SCNN1A: variants seen among roughly 807,000 people sequenced by gnomAD.
The protein encoded by SCNN1A is sodium channel epithelial 1 subunit alpha, also known as epithelial sodium channel subunit alpha.
Under a neutral mutation model 68.6 loss-of-function variants are expected in SCNN1A, and 65 were observed. The ratio of observed to expected loss-of-function variants is 0.95; its 90% CI spans 0.78 to 1.16. The LOEUF (loss-of-function observed/expected upper bound fraction) is 1.16, where lower values mean the gene tolerates loss of function less well. Ranked by LOEUF, SCNN1A falls within the 50% of genes most tolerant of loss-of-function variation. The probability of loss-of-function intolerance (pLI) is 0.00; values close to 1 mark genes in which losing one functional copy is unlikely to be tolerated. For synonymous variants in SCNN1A, 357 were observed against 353.3 expected, an observed-to-expected ratio of 1.01 and a Z score of -0.12; for missense variants, 880 against 865.9, an observed-to-expected ratio of 1.02 and a Z score of -0.20.
rs1259806319 is a variant in SCNN1A, at chr12:6,354,760, T to C, written c.1232A>G (p.Tyr411Cys). 2 of 1,613,476 alleles carry C rather than the reference T, an allele frequency of 1.2e-6. No homozygotes were observed. The highest frequency in any genetic ancestry group is 1.7e-6 in the Non-Finnish European group (2 of 1,179,688). The change falls in exon 7 of 13, where the codon TAC becomes TGC. Residue 411 changes from tyrosine (Y) to cysteine (C), a missense_variant. By Grantham distance (194) the Tyr-to-Cys change is radical (BLOSUM62 -2). This residue lies in a region of SCNN1A where 758 missense variants were observed against 721.8 expected (regional missense o/e 1.05). Transcript: ENST00000228916. ...VPVENLYPSK[Y>C]TQQVCIHSCF... The stretch of plus-strand genomic sequence containing the variant: ...CAGGTTGGGCCTCACCTGCTGTGTG[T>C]ACTTTGAAGGGTAAAGGTTCTCAAC...
Position 6,354,471 on chromosome 12 carries a change from C to G in SCNN1A, c.1327G>C (p.Glu443Gln). The change falls in exon 8 of 13, where the codon GAG (glutamate) becomes CAG (glutamine). Residue 443 changes from glutamate to glutamine, a missense_variant. Transcript: ENST00000228916. ...CTGTGCTTTCTGTAGTCACAGTACT[C>G]CACGTTCTGGGGCCGCGGATAGAAG... ...YIFYPRPQNV[E>Q]YCDYRKHSSW... 1 of 1,613,324 alleles carries G rather than the reference C, an allele frequency of 6.2e-7. No individual in the cohort carries two copies. The highest frequency in any genetic ancestry group is 8.5e-7 in the Non-Finnish European group (1 of 1,179,928).
In SCNN1A at chr12:6,348,130, G is replaced by A; in HGVS notation, c.1753C>T (p.Leu585Phe). The A allele has an allele frequency of 6.2e-7, 1 of 1,614,172 alleles. No homozygotes were observed. The highest frequency in any genetic ancestry group is 8.5e-7 in the Non-Finnish European group (1 of 1,180,036). Reference protein sequence around the residue: ...DLLVIMFLMLLRRFRSRYWSP... With the variant: ...DLLVIMFLMLFRRFRSRYWSP... ...CAGTATCGGCTTCGGAACCTTCGGA[G>A]CAGCATGAGGAACATGATGACCAGC... Residue 585 changes from leucine (L) to phenylalanine (F), a missense_variant, in exon 13 of 13, where the codon CTC becomes TTC. Leu to Phe is a conservative substitution (Grantham distance 22). Coordinates refer to ENST00000228916, the MANE Select transcript of SCNN1A (RefSeq NM_001038.6).
intron 1 of SCNN1A, chr12:6,375,225 C>T: frequency 6.9e-7 from 1 of 1,441,036 alleles, no homozygotes; most frequent in Middle Eastern, 2.6e-4. Flanking sequence ...CCTTCTGTTT[C>T]TCTTTGGGTC....
chr12:6,369,291 T>TGCTC (rs1948736769), intron 2 of SCNN1A, among the ~76,000 whole-genome samples: 1 of 147,486 alleles, frequency 6.8e-6, no homozygotes, highest in African/African-American at 2.5e-5. Context: ...CCTGCCACCC[T>TGCTC]ACTCACCTCC....
chr12:6,367,948 G>C (rs1200266173), intron 2 of SCNN1A, among the ~76,000 whole-genome samples: 7 of 152,114 alleles, frequency 4.6e-5, no homozygotes, highest in Non-Finnish European at 1.0e-4. Flanking sequence ...TGGGCCTTAG[G>C]CATCAGCTCT....
rs62621787 is a variant in SCNN1A, at chr12:6,361,752, G to GA, written c.875+298dup. The stretch of plus-strand genomic sequence containing the variant: ...GAGCAAAACTCCATCTCAAAAAAAA[G>GA]AAAAACAAAAAAGACCAAGATCCAT... On this transcript the variant is annotated intron_variant, in intron 4 of 12. Coordinates refer to ENST00000228916, the MANE Select transcript of SCNN1A (RefSeq NM_001038.6). Among the ~76,000 whole-genome samples, 302 of 150,698 alleles carry GA rather than the reference G, an allele frequency of 2.0e-3. 1 individual carries two copies. The Middle Eastern group carries it at 0.021, about 10-fold the overall frequency.
At chr12:6,375,140 C>T in intron 1 of SCNN1A, 1 of 1,472,542 alleles carries the variant, frequency 6.8e-7, no homozygotes, top group Non-Finnish European at 9.0e-7. Flanking sequence ...CCCTTTCTGT[C>T]TCTGCCCCCT....
intron 4 of SCNN1A, among the ~76,000 whole-genome samples, chr12:6,360,789 C>CG (rs914367164): frequency 1.3e-5 from 2 of 152,176 alleles, no homozygotes; most frequent in Non-Finnish European, 2.9e-5. Flanking sequence ...GGACCCCCCC[C>CG]TCGCCTCAGC....
chr12:6,366,011 C>T (rs1196200948), intron 2 of SCNN1A, among the ~76,000 whole-genome samples: 6 of 152,110 alleles, frequency 3.9e-5, no homozygotes, highest in East Asian at 1.9e-4. Flanking sequence ...CGTGCCACCA[C>T]GCCCGGCTAA....
In SCNN1A at chr12:6,355,816, A is replaced by T; in HGVS notation, c.940T>A (p.Ser314Thr). Residue 314 changes from serine to threonine, a missense_variant, in exon 5 of 13, where the codon TCC becomes ACC. By Grantham distance (58) the Ser-to-Thr change is moderately conservative. Transcript: ENST00000228916. The part of the protein sequence containing the change: ...NCYTFNDKNN[S>T]NLWMSSMPGI... ...GGCATGGAAGACATCCAGAGGTTGGAGTTGTTCTTGTCATTGAAAGTATAG... is the reference window on the plus strand; with the variant it reads ...GGCATGGAAGACATCCAGAGGTTGGTGTTGTTCTTGTCATTGAAAGTATAG... 6.2e-7 allele frequency: 1 copy of T among 1,613,618 alleles called. No individual in the cohort carries two copies. Among genetic ancestry groups the T allele is most frequent in the Non-Finnish European group, 8.5e-7 (1 of 1,179,558 alleles).
chr12:6,376,174 C>T, upstream of SCNN1A: 1 of 985,832 alleles, frequency 1.0e-6, no homozygotes, highest in South Asian at 4.7e-5. Context: ...CCTCCCCGCT[C>T]ACTAAGTGGG....
chr12:6,369,945 A>G (rs2136902152), intron 2 of SCNN1A, among the ~76,000 whole-genome samples: 1 of 152,240 alleles, frequency 6.6e-6, no homozygotes, highest in East Asian at 1.9e-4. Flanking sequence ...AGAATTGACC[A>G]CTAAACAGAA....
intron 10 of SCNN1A, 47 bp downstream of exon 10, chr12:6,349,117 T>C (rs376130510): frequency 1.2e-6 from 2 of 1,606,564 alleles, no homozygotes; most frequent in Non-Finnish European, 1.7e-6. Flanking sequence ...GGCCACAGCA[T>C]TACATGGGCA....
chr12:6,363,414 GGCGGGCCCCTCGGCGCT>G lies in SCNN1A; in HGVS notation c.684+12_684+28del, dbSNP rs1565482561. The stretch of plus-strand genomic sequence containing the variant: ...GGGGCCAGGGGCCGGCGAGGGGCGG[GGCGGGCCCCTCGGCGCT>G]GCGGGCCTCACCAGCTGGAAGCCGA... On this transcript the variant is annotated intron_variant, in intron 3 of 12. Coordinates refer to ENST00000228916, the MANE Select transcript of SCNN1A (RefSeq NM_001038.6). 2 of 1,503,186 alleles carry G rather than the reference GGCGGGCCCCTCGGCGCT, an allele frequency of 1.3e-6. No homozygotes were observed. The highest frequency in any genetic ancestry group is 1.8e-6 in the Non-Finnish European group (2 of 1,125,602). 93.1% of individuals were successfully genotyped at this position (1,503,186 alleles called of 1,614,324 possible).
At chr12:6,357,041 G>T (rs561659692) in intron 4 of SCNN1A, among the ~76,000 whole-genome samples, 1 of 152,296 alleles carries the variant, frequency 6.6e-6, no homozygotes, top group South Asian at 2.1e-4. Flanking sequence ...AGGCACAGAG[G>T]CGTGACATAC....
At chr12:6,348,876 T>C in intron 11 of SCNN1A, 74 bp from the exon 12 acceptor site, 1 of 1,603,524 alleles carries the variant, frequency 6.2e-7, no homozygotes, top group Non-Finnish European at 8.5e-7. Context: ...ATCAACCATA[T>C]CGATCCCTCT....
At chr12:6,362,495 A>G (rs1320643590) in intron 3 of SCNN1A, among the ~76,000 whole-genome samples, 3 of 152,050 alleles carry the variant, frequency 2.0e-5, no homozygotes, top group Admixed American at 2.0e-4. Flanking sequence ...TGGTTCATTT[A>G]TACCTCCCCT....
In SCNN1A at chr12:6,355,845, T is replaced by A. The variant is rs762177076; in HGVS notation, c.911A>T (p.Asn304Ile). 1 of 1,613,424 alleles carries A rather than the reference T, an allele frequency of 6.2e-7. No homozygotes were observed. Among genetic ancestry groups the A allele is most frequent in the South Asian group, 1.1e-5 (1 of 91,068 alleles). ...YSHFHHPMYG[N>I]CYTFNDKNNS... ...GTTCTTGTCATTGAAAGTATAGCAG[T>A]TTCCATACATCGGGTGGTGGAAGTG... The change falls in exon 5 of 13, where the codon AAC becomes ATC. Residue 304 changes from asparagine (N) to isoleucine (I), a missense_variant. This residue lies in a region of SCNN1A where 758 missense variants were observed against 721.8 expected (regional missense o/e 1.05). Transcript: ENST00000228916.
chr12:6,353,596 A>T (rs1188144371), intron 8 of SCNN1A: 4 of 146,490 alleles, frequency 2.7e-5, no homozygotes, highest in African/African-American at 7.7e-5. Context: ...TATTTTATTT[A>T]TTTATTTTTT....
Sources: gnomAD v4.1 joint callset for allele counts (sites outside exome capture counted in the v4.1 genomes callset) on GRCh38, gnomAD v4.1.1 for gene constraint, gnomAD v4.1.1 regional missense constraint, MANE v1.5 for transcripts, NCBI Gene and HGNC (gene_info 2026-07-23, HGNC 2026-07-21) for gene names.